Variants in ERCC6L2 observed in about 807,000 individuals in gnomAD.
The protein encoded by ERCC6L2 is DNA excision repair protein ERCC-6-like 2.
Under a neutral mutation model 132.0 loss-of-function variants are expected in ERCC6L2, and 77 were observed. That is an observed-to-expected ratio of 0.58 (90% CI 0.49 to 0.71). The LOEUF (loss-of-function observed/expected upper bound fraction) is 0.71, where lower values mean the gene tolerates loss of function less well. Ranked by LOEUF, ERCC6L2 falls within the 30% of genes least tolerant of loss-of-function variation. The probability of loss-of-function intolerance (pLI) is 0.00; values close to 1 mark genes in which losing one functional copy is unlikely to be tolerated. For missense variants in ERCC6L2, 1,542 were observed against 1,837.6 expected (o/e 0.84, Z 2.94); for synonymous variants, 583 against 632.4 (o/e 0.92, Z 1.17).
chr9:96,005,928 C>G (rs991505354), intron 18 of ERCC6L2, among the ~76,000 whole-genome samples: 1 of 151,994 alleles, frequency 6.6e-6, no homozygotes, highest in African/African-American at 2.4e-5. Context: ...TGGACTGGTT[C>G]GGGAAAGAAA....
intron 19 of ERCC6L2, among the ~76,000 whole-genome samples, chr9:96,032,738 T>C (rs527581146): frequency 4.9e-4 from 74 of 152,320 alleles, no homozygotes; most frequent in African/African-American, 1.7e-3. Context: ...TAGAACGCAA[T>C]GCTGGTCATC....
At chr9:95,921,064 T>C in intron 6 of ERCC6L2, 111 bp from the exon 7 acceptor site, 1 of 1,048,268 alleles carries the variant, frequency 9.5e-7, no homozygotes, top group Non-Finnish European at 1.3e-6. Flanking sequence ...CGTGAGCCTC[T>C]GCGCCCGGCC....
At chr9:95,953,959 A>G (rs978116502) in intron 12 of ERCC6L2, among the ~76,000 whole-genome samples, 1 of 152,236 alleles carries the variant, frequency 6.6e-6, no homozygotes, top group Non-Finnish European at 1.5e-5. Context: ...ATAAGGACAA[A>G]GGAATAATGG....
chr9:95,951,323 A>G (rs1587964185), intron 12 of ERCC6L2, among the ~76,000 whole-genome samples: 1 of 152,220 alleles, frequency 6.6e-6, no homozygotes, highest in East Asian at 1.9e-4. Context: ...GCTAAGAGGG[A>G]AATTTATAGC....
At chr9:95,896,986 C>T (rs756305931) in intron 2 of ERCC6L2, among the ~76,000 whole-genome samples, 20 of 152,038 alleles carry the variant, frequency 1.3e-4, no homozygotes, top group Non-Finnish European at 2.6e-4. Flanking sequence ...TTATAGGTAT[C>T]CACACCCTTG....
intron 11 of ERCC6L2, among the ~76,000 whole-genome samples, chr9:95,930,000 C>T (rs1409057163): frequency 6.6e-6 from 1 of 152,124 alleles, no homozygotes; most frequent in African/African-American, 2.4e-5. Flanking sequence ...TTTAACCTAT[C>T]CATTGAATTT....
At chr9:95,954,967 T>C (rs1831526591) in intron 12 of ERCC6L2, 13 of 441,834 alleles carry the variant, frequency 2.9e-5, no homozygotes, top group South Asian at 2.2e-4. Flanking sequence ...ATGGGTGACC[T>C]TATAAGTTCA....
downstream of ERCC6L2, among the ~76,000 whole-genome samples, chr9:96,019,093 T>G (rs1834241181): frequency 2.0e-5 from 3 of 152,046 alleles, no homozygotes; most frequent in Admixed American, 6.5e-5. Flanking sequence ...TCCAATGAGT[T>G]GTCTTGTCAG....
rs1834199715 is a variant in ERCC6L2, at chr9:96,017,200, A to G, written c.*3997A>G. 1.3e-5 allele frequency among the ~76,000 whole-genome samples: 2 copies of G among 151,952 alleles called. No individual in the cohort carries two copies. The highest frequency in any genetic ancestry group is 1.5e-5 in the Non-Finnish European group (1 of 67,960). ...GCCTTACTGGGATGGTTCATAAGCCACTTTCCTCTTGGTGACAGCCCCTGT... is the reference window on the plus strand; with the variant it reads ...GCCTTACTGGGATGGTTCATAAGCCGCTTTCCTCTTGGTGACAGCCCCTGT... On this transcript the variant is annotated 3_prime_UTR_variant, in exon 19 of 19. Transcript: ENST00000653738.
intron 2 of ERCC6L2, among the ~76,000 whole-genome samples, chr9:95,896,860 TCTTGGAA>T (rs1361573718): frequency 1.3e-5 from 2 of 152,208 alleles, no homozygotes; most frequent in African/African-American, 4.8e-5. Context: ...TGGTTCTGGT[TCTTGGAA>T]GAAGATCTTG....
chr9:95,907,826 T>TACAC (rs373670619), intron 4 of ERCC6L2, among the ~76,000 whole-genome samples: 5,816 of 40,894 alleles, frequency 0.14, 429 homozygotes, highest in African/African-American at 0.36. Flanking sequence ...GGGCAAAAAC[T>TACAC]ACACACACAC....
At chr9:95,952,367 A>G (rs546946309) in intron 12 of ERCC6L2, among the ~76,000 whole-genome samples, 1 of 152,188 alleles carries the variant, frequency 6.6e-6, no homozygotes, top group Admixed American at 6.5e-5. Context: ...AATGCCAGCA[A>G]ACTGAATTTC....
At chr9:95,977,907 C>T (rs2133106328) in intron 16 of ERCC6L2, among the ~76,000 whole-genome samples, 154 bp from the exon 17 acceptor site, 1 of 152,196 alleles carries the variant, frequency 6.6e-6, no homozygotes, top group Non-Finnish European at 1.5e-5. Context: ...CCCAGACTAA[C>T]ATATTTGAAC....
In ERCC6L2 at chr9:95,984,228, TTATA is replaced by T. The variant is rs373314529; in HGVS notation, c.3492+6017_3492+6020del. ...AACATGTATATGGATAAAGTATATATTATATATGTTATATATGTTATGTAACTAC... is the reference window on the plus strand; with the variant it reads ...AACATGTATATGGATAAAGTATATATTATGTTATATATGTTATGTAACTAC... On this transcript the variant is annotated intron_variant, in intron 17 of 18. Transcript: ENST00000653738. Among the ~76,000 whole-genome samples the T allele has an allele frequency of 7.6e-3, 1,141 of 149,270 alleles. 19 individuals are homozygous for T. The highest frequency in any genetic ancestry group is 0.027 in the African/African-American group (1,093 of 40,972).
In ERCC6L2 at chr9:95,970,608, A is replaced by G. The variant is rs1022498687; in HGVS notation, c.2133A>G (p.Thr711=). The G allele has an allele frequency of 4.6e-6, 6 of 1,303,918 alleles. No homozygotes were observed. Among genetic ancestry groups the G allele is most frequent in the Non-Finnish European group, 6.1e-6 (6 of 988,740 alleles). 80.8% of individuals were successfully genotyped at this position (1,303,918 alleles called of 1,614,324 possible). A position where few individuals can be genotyped will look rare whatever the true frequency, so the allele number is the denominator to read the frequency against. The part of the protein sequence containing the change: ...REGQVEAGIM[T]ATTWLKEGPP... ...GCCAAGTAGAAGCAGGGATCATGAC[A>G]GCCACAACATGGTTGAAAGAGGGAC... The change falls in exon 15 of 19, where the codon ACA becomes ACG. Residue 711 remains threonine, a synonymous_variant. Transcript: ENST00000653738.
chr9:95,986,218 A>G (rs1346407626), intron 17 of ERCC6L2, among the ~76,000 whole-genome samples: 1 of 152,212 alleles, frequency 6.6e-6, no homozygotes, highest in Non-Finnish European at 1.5e-5. Flanking sequence ...AGTGCAGGCA[A>G]TAGAATAACC....
At chr9:95,889,467 A>G (rs1054482116) in intron 2 of ERCC6L2, among the ~76,000 whole-genome samples, 1 of 150,680 alleles carries the variant, frequency 6.6e-6, no homozygotes, top group African/African-American at 2.4e-5. Flanking sequence ...CTGTCAATAT[A>G]TGTGTGTGTG....
At chr9:95,956,910 A>G (rs1423353525) in intron 13 of ERCC6L2, among the ~76,000 whole-genome samples, 1 of 152,142 alleles carries the variant, frequency 6.6e-6, no homozygotes, top group Non-Finnish European at 1.5e-5. Context: ...GTAGATATTC[A>G]TATGTTACCA....
chr9:95,923,333 C>T lies in ERCC6L2; in HGVS notation c.1487C>T (p.Ala496Val). The T allele has an allele frequency of 1.9e-6, 3 of 1,613,846 alleles. No individual in the cohort carries two copies. The highest frequency in any genetic ancestry group is 2.5e-6 in the Non-Finnish European group (3 of 1,179,866). ...GATTTTGTGCAGAAAAGCAAAGATG[C>T]AGCCTTTGAAACACTTTCTGACCCT... ...FPDFVQKSKD[A>V]AFETLSDPKY... The change falls in exon 9 of 19, where the codon GCA becomes GTA. Residue 496 changes from alanine (A) to valine (V), a missense_variant. Physicochemically the swap from Ala to Val is moderately conservative, Grantham distance 64. Around this residue, in one of 4 missense-constraint regions of ERCC6L2, gnomAD observed 945 missense variants for 1,105.2 expected, o/e 0.86. Transcript: ENST00000653738.
Sources: gnomAD v4.1 joint callset for allele counts (sites outside exome capture counted in the v4.1 genomes callset) on GRCh38, gnomAD v4.1.1 for gene constraint, gnomAD v4.1.1 regional missense constraint, MANE v1.5 for transcripts, NCBI Gene and HGNC (gene_info 2026-07-23, HGNC 2026-07-21) for gene names.